The following LRRTM4 variants were observed in gnomAD, a reference collection of about 807,000 sequenced individuals.
LRRTM4 encodes leucine-rich repeat transmembrane neuronal protein 4.
A neutral mutation model predicts 47.6 loss-of-function variants in LRRTM4; 25 were observed. The ratio of observed to expected loss-of-function variants is 0.53; its 90% CI spans 0.38 to 0.73. The LOEUF is 0.73. Among genes scored for constraint, LRRTM4 ranks in the 30% least tolerant of loss-of-function variants. The probability of loss-of-function intolerance (pLI) is 0.00; values close to 1 mark genes in which losing one functional copy is unlikely to be tolerated. For missense variants in LRRTM4, 638 were observed against 713.4 expected, an observed-to-expected ratio of 0.89 and a Z score of 1.20; for synonymous variants, 311 against 269.5, an observed-to-expected ratio of 1.15 and a Z score of -1.51.
chr2:77,150,274 A>C (rs1672380035), intron 3 of LRRTM4, among the ~76,000 whole-genome samples: 1 of 152,192 alleles, frequency 6.6e-6, no homozygotes, highest in Non-Finnish European at 1.5e-5. Context: ...CTTAAAATAG[A>C]ATACAAAAAT....
chr2:77,051,013 A>G (rs1264120849), intron 3 of LRRTM4, among the ~76,000 whole-genome samples: 2 of 147,364 alleles, frequency 1.4e-5, no homozygotes, highest in Non-Finnish European at 3.0e-5. Context: ...GATACTTAAA[A>G]CATTTTTTTT....
chr2:77,476,245 T>C (rs1211283381), intron 3 of LRRTM4, among the ~76,000 whole-genome samples: 1 of 152,138 alleles, frequency 6.6e-6, no homozygotes, highest in Non-Finnish European at 1.5e-5. Flanking sequence ...GTGCTATGCC[T>C]CTAATACTCT....
At chr2:77,231,053 T>C (rs1457892235) in intron 3 of LRRTM4, among the ~76,000 whole-genome samples, 1 of 152,222 alleles carries the variant, frequency 6.6e-6, no homozygotes, top group East Asian at 1.9e-4. Context: ...GACATGCTTA[T>C]AATTTTAAAA....
intron 3 of LRRTM4, among the ~76,000 whole-genome samples, chr2:77,364,142 A>G (rs1459371608): frequency 6.7e-6 from 1 of 150,034 alleles, no homozygotes; most frequent in Non-Finnish European, 1.5e-5. Flanking sequence ...AAAAAAAAAA[A>G]ACAAGTTCTT....
chr2:76,785,597 T>A lies in LRRTM4; in HGVS notation c.1552-36681A>T, dbSNP rs182232391. On this transcript the variant is annotated intron_variant, in intron 3 of 3. Coordinates refer to ENST00000409884, the MANE Select transcript of LRRTM4 (RefSeq NM_001134745.3). ...CTCCTAGTAATTTAACCTGAACATATGTTTGTAATAGCTTTCTTCATAAAA... is the reference window on the plus strand; with the variant it reads ...CTCCTAGTAATTTAACCTGAACATAAGTTTGTAATAGCTTTCTTCATAAAA... Among the ~76,000 whole-genome samples, 24 of 152,272 alleles carry A rather than the reference T, an allele frequency of 1.6e-4. 1 individual carries two copies. The East Asian group carries it at 4.6e-3, about 29-fold the overall frequency.
At chr2:76,953,286 T>C (rs1675558333) in intron 3 of LRRTM4, among the ~76,000 whole-genome samples, 1 of 151,880 alleles carries the variant, frequency 6.6e-6, no homozygotes, top group Non-Finnish European at 1.5e-5. Flanking sequence ...GGAACACTGA[T>C]CTAACAACAG....
At chr2:76,935,889 G>A (rs1315168252) in intron 3 of LRRTM4, among the ~76,000 whole-genome samples, 1 of 152,168 alleles carries the variant, frequency 6.6e-6, no homozygotes, top group Non-Finnish European at 1.5e-5. Context: ...TTGAATAGGA[G>A]TGGTGAGAGA....
intron 3 of LRRTM4, among the ~76,000 whole-genome samples, chr2:77,484,081 G>A (rs530632762): frequency 2.6e-5 from 4 of 152,268 alleles, no homozygotes; most frequent in African/African-American, 9.6e-5. Context: ...CAATTTAGCT[G>A]CATTTATTTT....
intron 3 of LRRTM4, among the ~76,000 whole-genome samples, chr2:77,114,904 C>T (rs191674574): frequency 1.3e-5 from 2 of 152,246 alleles, no homozygotes; most frequent in East Asian, 3.9e-4. Flanking sequence ...CTATGTCCCG[C>T]TGTGCATGCA....
At position 77,269,075 on chromosome 2, in the gene LRRTM4, T is replaced by C. The variant is rs537306786; in HGVS notation, c.1551+249243A>G. ...AATTGTCTTCTTTCTCCCTCTTTCT[T>C]ACTTTCTAAAAATTTTCTAGATCTC... On this transcript the variant is annotated intron_variant, in intron 3 of 3. Transcript: ENST00000409884. 5.9e-5 allele frequency among the ~76,000 whole-genome samples: 9 copies of C among 152,276 alleles called. No homozygotes were observed. In the South Asian group the frequency reaches 1.9e-3, roughly 32 times the overall value.
rs73941210 is a variant in LRRTM4, at chr2:77,331,542, G to C, written c.1551+186776C>G. Reference sequence around the variant, plus strand: ...TTGGGGGCTGCCCTTGGAAGAGATAGGACACATAGCTTATGAACATATCTA... The same window carrying C: ...TTGGGGGCTGCCCTTGGAAGAGATACGACACATAGCTTATGAACATATCTA... On this transcript the variant is annotated intron_variant, in intron 3 of 3. Coordinates refer to ENST00000409884, the MANE Select transcript of LRRTM4 (RefSeq NM_001134745.3). Among the ~76,000 whole-genome samples, 396 of 152,248 alleles carry C rather than the reference G, an allele frequency of 2.6e-3. 2 individuals carry two copies. Among genetic ancestry groups the C allele is most frequent in the African/African-American group, 9.1e-3 (378 of 41,540 alleles).
chr2:77,103,284 G>A (rs1043910981), intron 3 of LRRTM4, among the ~76,000 whole-genome samples: 1 of 152,090 alleles, frequency 6.6e-6, no homozygotes, highest in African/African-American at 2.4e-5. Flanking sequence ...GAAAATAAAA[G>A]AAACATTTTG....
intron 3 of LRRTM4, among the ~76,000 whole-genome samples, chr2:76,874,120 T>C (rs1672714330): frequency 6.6e-6 from 1 of 151,922 alleles, no homozygotes; most frequent in Non-Finnish European, 1.5e-5. Flanking sequence ...GCTTTTTTTT[T>C]TTCTCGGAAC....
intron 3 of LRRTM4, among the ~76,000 whole-genome samples, chr2:77,509,086 G>C (rs1016157121): frequency 2.0e-5 from 3 of 151,918 alleles, no homozygotes; most frequent in Non-Finnish European, 4.4e-5. Flanking sequence ...ACAAAAATTA[G>C]CCAGGCATGG....
At chr2:77,199,176 T>G (rs1673909253) in intron 3 of LRRTM4, among the ~76,000 whole-genome samples, 2 of 152,152 alleles carry the variant, frequency 1.3e-5, no homozygotes, top group African/African-American at 4.8e-5. Flanking sequence ...CACATTTAGC[T>G]AAAACACAGA....
intron 3 of LRRTM4, among the ~76,000 whole-genome samples, chr2:76,980,745 T>C (rs1362906492): frequency 6.6e-6 from 1 of 152,034 alleles, no homozygotes; most frequent in African/African-American, 2.4e-5. Context: ...TGAGAAAAGA[T>C]TTCTAGTGTT....
chr2:76,907,494 G>C (rs1391335376), intron 3 of LRRTM4, among the ~76,000 whole-genome samples: 36 of 146,706 alleles, frequency 2.5e-4, no homozygotes, highest in African/African-American at 7.6e-4. Context: ...ACTAAAATCA[G>C]AGCAGAACTG....
At chr2:77,067,372 T>G (rs1018804005) in intron 3 of LRRTM4, among the ~76,000 whole-genome samples, 1 of 151,940 alleles carries the variant, frequency 6.6e-6, no homozygotes, top group Non-Finnish European at 1.5e-5. Flanking sequence ...TACCCCTAGA[T>G]AATAAAACCT....
intron 3 of LRRTM4, among the ~76,000 whole-genome samples, chr2:76,938,389 A>C (rs1015341830): frequency 2.5e-5 from 3 of 121,474 alleles, no homozygotes; most frequent in African/African-American, 2.8e-5. Context: ...AAAAGAATAT[A>C]AATTGTTAAA....
Sources: gnomAD v4.1 joint callset for allele counts (sites outside exome capture counted in the v4.1 genomes callset) on GRCh38, gnomAD v4.1.1 for gene constraint, MANE v1.5 for transcripts, NCBI Gene and HGNC (gene_info 2026-07-23, HGNC 2026-07-21) for gene names.